The following IREB2 variants were observed in gnomAD, a reference collection of about 807,000 sequenced individuals.
IREB2 encodes iron responsive element binding protein 2.
IREB2 carries 39 observed loss-of-function variants against 118.8 expected under a neutral mutation model. The observed-to-expected ratio is 0.33, with a 90% confidence interval of 0.25 to 0.43. The LOEUF is 0.43. Ranked by LOEUF, IREB2 falls within the 20% of genes least tolerant of loss-of-function variation. The pLI, the probability that IREB2 is intolerant of heterozygous loss-of-function variation, is 1.00. For synonymous variants in IREB2, 372 were observed against 392.2 expected, an observed-to-expected ratio of 0.95 and a Z score of 0.61; for missense variants, 900 against 1,147.3, an observed-to-expected ratio of 0.78 and a Z score of 3.11.
At chr15:78,452,733 C>A (rs1282538118) in intron 2 of IREB2, among the ~76,000 whole-genome samples, 1 of 151,844 alleles carries the variant, frequency 6.6e-6, no homozygotes, top group Non-Finnish European at 1.5e-5. Flanking sequence ...ATAGTGAGAC[C>A]CCCATTTCAA....
chr15:78,463,879 C>T (rs561474688), intron 3 of IREB2, among the ~76,000 whole-genome samples: 3 of 152,166 alleles, frequency 2.0e-5, no homozygotes, highest in African/African-American at 4.8e-5. Context: ...TATCTCAACT[C>T]ACCTATTTCT....
At chr15:78,437,584 A>G (rs1004189358), upstream of IREB2, 12 of 152,830 alleles carry the variant, frequency 7.9e-5, no homozygotes, top group African/African-American at 2.7e-4. Context: ...TCTTTCTGGT[A>G]AGTTGCTGCG....
chr15:78,493,068 C>G (rs917842414), intron 18 of IREB2, among the ~76,000 whole-genome samples: 3 of 151,970 alleles, frequency 2.0e-5, no homozygotes, highest in Admixed American at 6.6e-5. Flanking sequence ...AATTAAAAAC[C>G]CAAATCTTAT....
In IREB2 at chr15:78,493,902, CT is replaced by C; in HGVS notation, c.2325-5del. ...AATGAAAACTGACTTTCATTACTTT[CT>C]TGTAGCCTTACCCCTCGTGAATTCA... On this transcript the variant is annotated splice_polypyrimidine_tract_variant and splice_region_variant and intron_variant, in intron 18 of 21. Transcript: ENST00000258886. The C allele has an allele frequency of 6.2e-7, 1 of 1,609,354 alleles. No individual in the cohort carries two copies. The highest frequency in any genetic ancestry group is 1.1e-5 in the South Asian group (1 of 90,222).
At chr15:78,483,785 CTTT>C (rs1159977288) in intron 11 of IREB2, among the ~76,000 whole-genome samples, 2 of 140,504 alleles carry the variant, frequency 1.4e-5, no homozygotes, top group Non-Finnish European at 1.6e-5. Flanking sequence ...ATCACAGAAA[CTTT>C]TTTTTTTTTT....
At chr15:78,481,114 A>G (rs2141506452) in intron 10 of IREB2, among the ~76,000 whole-genome samples, 1 of 152,258 alleles carries the variant, frequency 6.6e-6, no homozygotes, top group African/African-American at 2.4e-5. Flanking sequence ...CCAGAAGTTC[A>G]GGACTAGCAT....
In IREB2 at chr15:78,498,057, G is replaced by C; in HGVS notation, c.2806G>C (p.Val936Leu). 1 of 1,612,266 alleles carries C rather than the reference G, an allele frequency of 6.2e-7. No homozygotes were observed. Among genetic ancestry groups the C allele is most frequent in the South Asian group, 1.1e-5 (1 of 90,992 alleles). ...GACAAGCACTGGAAAAGTATTCAGC[G>C]TGATTGCTTCGTTTGAAGATGATGT... ...IQTSTGKVFS[V>L]IASFEDDVEI... The change falls in exon 22 of 22, where the codon GTG becomes CTG. Residue 936 changes from valine to leucine, a missense_variant. Physicochemically the swap from Val to Leu is conservative, Grantham distance 32. Transcript: ENST00000258886.
At chr15:78,438,487 C>A in intron 1 of IREB2, 131 bp downstream of exon 1, 1 of 1,045,834 alleles carries the variant, frequency 9.6e-7, no homozygotes, top group South Asian at 1.4e-5. Context: ...TTGTGCTCCC[C>A]TCGGGGCCTG....
intron 6 of IREB2, 157 bp downstream of exon 6, chr15:78,470,758 G>C (rs572518100): frequency 4.8e-6 from 2 of 413,992 alleles, no homozygotes; most frequent in East Asian, 3.6e-5. Flanking sequence ...CCAGTGGCGT[G>C]ATCTCAGCTT....
intron 3 of IREB2, among the ~76,000 whole-genome samples, chr15:78,464,543 A>G (rs1276089920): frequency 6.6e-6 from 1 of 152,140 alleles, no homozygotes; most frequent in African/African-American, 2.4e-5. Context: ...CCTGCTTATG[A>G]TTTCCACATA....
At chr15:78,448,880 C>CTA (rs2050976029) in intron 2 of IREB2, among the ~76,000 whole-genome samples, 1 of 152,202 alleles carries the variant, frequency 6.6e-6, no homozygotes, top group Non-Finnish European at 1.5e-5. Flanking sequence ...TTCTCTGTTA[C>CTA]ATGTAGTTAT....
intron 6 of IREB2, chr15:78,470,987 G>A (rs373386787): frequency 1.8e-4 from 27 of 153,122 alleles, no homozygotes; most frequent in East Asian, 9.5e-4. Flanking sequence ...ATGAGCCACC[G>A]TGCCTGCCGT....
At chr15:78,485,878 G>T (rs2051651946) in intron 13 of IREB2, 38 bp downstream of exon 13, 1 of 1,574,382 alleles carries the variant, frequency 6.4e-7, no homozygotes, top group South Asian at 1.1e-5. Flanking sequence ...TGATATTGGT[G>T]TTCAGTAGGT....
At chr15:78,484,329 T>A (rs1352673262) in intron 11 of IREB2, among the ~76,000 whole-genome samples, 1 of 152,196 alleles carries the variant, frequency 6.6e-6, no homozygotes, top group African/African-American at 2.4e-5. Flanking sequence ...GTCAATTAGC[T>A]TCAATAATTA....
chr15:78,488,253 C>A lies in IREB2; in HGVS notation c.1868C>A (p.Ala623Asp). 1 of 1,611,970 alleles carries A rather than the reference C, an allele frequency of 6.2e-7. No individual in the cohort carries two copies. The highest frequency in any genetic ancestry group is 1.7e-5 in the Admixed American group (1 of 59,420). Reference sequence around the variant, plus strand: ...GGTCGTCTTTGTGATTGTGTTCGTGCCAATTATCTTGCCTCTCCACCCTTA... The same window carrying A: ...GGTCGTCTTTGTGATTGTGTTCGTGACAATTATCTTGCCTCTCCACCCTTA... ...FEGRLCDCVRANYLASPPLVV... is the reference protein window; with the variant it reads ...FEGRLCDCVRDNYLASPPLVV... The change falls in exon 15 of 22, where the codon GCC (alanine) becomes GAC (aspartate). Residue 623 changes from alanine to aspartate, a missense_variant. Ala to Asp is a moderately radical substitution (Grantham distance 126). Coordinates refer to ENST00000258886, the MANE Select transcript of IREB2 (RefSeq NM_004136.4).
At chr15:78,484,559 A>G (rs571590857) in intron 11 of IREB2, among the ~76,000 whole-genome samples, 1 of 152,282 alleles carries the variant, frequency 6.6e-6, no homozygotes, top group African/African-American at 2.4e-5. Context: ...TGTGAACATC[A>G]CCAGACTCCT....
At chr15:78,484,146 T>C (rs768240480) in intron 11 of IREB2, among the ~76,000 whole-genome samples, 1 of 152,058 alleles carries the variant, frequency 6.6e-6, no homozygotes, top group Non-Finnish European at 1.5e-5. Context: ...TTTTGAGGGT[T>C]TGTATTTTCT....
intron 13 of IREB2, 76 bp downstream of exon 13, chr15:78,485,916 T>C (rs1310121020): frequency 8.2e-7 from 1 of 1,226,306 alleles, no homozygotes; most frequent in African/African-American, 1.5e-5. Context: ...GTGCCTTTCA[T>C]ATACAAAGAG....
At chr15:78,493,794 C>A in intron 18 of IREB2, 115 bp from the exon 19 acceptor site, 1 of 905,328 alleles carries the variant, frequency 1.1e-6, no homozygotes, top group Non-Finnish European at 1.7e-6. Flanking sequence ...GTTTTGTTTT[C>A]TTTTGTGTTT....
Sources: allele counts gnomAD v4.1 joint callset (sites outside exome capture counted in the v4.1 genomes callset), GRCh38; gene constraint gnomAD v4.1.1; transcripts MANE v1.5; gene names NCBI Gene and HGNC (gene_info 2026-07-23, HGNC 2026-07-21).